The following MFSD2B variants were observed in gnomAD, a reference collection of about 807,000 sequenced individuals.
MFSD2B encodes sphingosine-1-phosphate transporter MFSD2B.
Under a neutral mutation model 58.4 loss-of-function variants are expected in MFSD2B, and 56 were observed. That is an observed-to-expected ratio of 0.96 (90% CI 0.77 to 1.20). The LOEUF (loss-of-function observed/expected upper bound fraction) is 1.20, where lower values mean the gene tolerates loss of function less well. Ranked by LOEUF, MFSD2B falls within the 50% of genes most tolerant of loss-of-function variation. The pLI, the probability that MFSD2B is intolerant of heterozygous loss-of-function variation, is 0.00. For synonymous variants in MFSD2B, 287 were observed against 294.4 expected (o/e 0.97, Z 0.26); for missense variants, 645 against 667.6 (o/e 0.97, Z 0.37).
At position 24,012,172 on chromosome 2, in the gene MFSD2B, ACACACAC is replaced by A. The variant is rs779151026; in HGVS notation, c.97-1112_97-1106del. Among the ~76,000 whole-genome samples, 217 of 44,418 alleles carry A rather than the reference ACACACAC, an allele frequency of 4.9e-3. 2 individuals carry two copies. Among genetic ancestry groups the A allele is most frequent in the Admixed American group, 8.6e-3 (25 of 2,902 alleles). 29.1% of individuals were successfully genotyped at this position (44,418 alleles called of 152,430 possible). On this transcript the variant is annotated intron_variant, in intron 1 of 13. Coordinates refer to ENST00000338315, the MANE Select transcript of MFSD2B (RefSeq NM_001346880.2). The surrounding 1 kb of genome is among the most constrained non-coding windows in gnomAD (Gnocchi z 4.5). ...ACAAAACACACACACACACACACAC[ACACACAC>A]AAAAACAGACAAAAAAACCCTGCAA...
chr2:24,013,030 G>A, intron 1 of MFSD2B: 1 of 344,006 alleles, frequency 2.9e-6, no homozygotes, highest in African/African-American at 2.0e-5. Context: ...AATGATGGCG[G>A]CTTCAGCAGG....
Position 24,022,872 on chromosome 2 carries a change from T to C in MFSD2B, c.1029T>C (p.Phe343=), listed in dbSNP as rs1281389885. The C allele has an allele frequency of 1.9e-6, 3 of 1,611,310 alleles. No individual in the cohort carries two copies. Among genetic ancestry groups the C allele is most frequent in the South Asian group, 2.2e-5 (2 of 90,520 alleles). The change falls in exon 10 of 14, where the codon TTT becomes TTC. Residue 343 remains phenylalanine (F), a synonymous_variant. Transcript: ENST00000338315. The surrounding 1 kb of genome is among the most constrained non-coding windows in gnomAD (Gnocchi z 4.5). The part of the protein sequence containing the change: ...TPLWEWVLQR[F]GKKTSAFGIF... ...TGTGGGAGTGGGTTCTCCAGCGCTT[T>C]GGGAAGAAGACGTCAGCCTTTGGGA...
chr2:24,022,069 C>T lies in MFSD2B; in HGVS notation c.894+99C>T. On this transcript the variant is annotated intron_variant, in intron 8 of 13. Transcript: ENST00000338315. The surrounding 1 kb of genome is among the most constrained non-coding windows in gnomAD (Gnocchi z 4.5). ...TTGGCTTGAGTTTTATAGGGAGAAA[C>T]CTGCGGCTGGCACATGGCTCAGAGG... 1.4e-6 allele frequency: 2 copies of T among 1,416,490 alleles called. No homozygotes were observed. The highest frequency in any genetic ancestry group is 2.0e-4 in the Middle Eastern group (1 of 4,984). 87.7% of individuals were successfully genotyped at this position (1,416,490 alleles called of 1,614,324 possible). A position where few individuals can be genotyped will look rare whatever the true frequency, so the allele number is the denominator to read the frequency against.
Position 24,022,829 on chromosome 2 carries a change from C to A in MFSD2B, c.986C>A (p.Ala329Asp). ...QGLVLTVLVSAVLSTPLWEWV... is the reference protein window; with the variant it reads ...QGLVLTVLVSDVLSTPLWEWV... ...GATGCTGTCTGCTCACAGGTCTCAGCCGTGCTGAGCACCCCGCTGTGGGAG... is the reference window on the plus strand; with the variant it reads ...GATGCTGTCTGCTCACAGGTCTCAGACGTGCTGAGCACCCCGCTGTGGGAG... Residue 329 changes from alanine (A) to aspartate (D), a missense_variant, in exon 10 of 14, where the codon GCC becomes GAC. Coordinates refer to ENST00000338315, the MANE Select transcript of MFSD2B (RefSeq NM_001346880.2). This position sits in a 1 kb window ranked among gnomAD's most constrained non-coding sequence, Gnocchi z 4.5. 6.3e-7 allele frequency: 1 copy of A among 1,596,748 alleles called. No individual in the cohort carries two copies. Among genetic ancestry groups the A allele is most frequent in the Non-Finnish European group, 8.5e-7 (1 of 1,172,484 alleles).
At chr2:24,013,888 G>A (rs1009454670) in intron 2 of MFSD2B, among the ~76,000 whole-genome samples, 37 of 142,066 alleles carry the variant, frequency 2.6e-4, no homozygotes, top group African/African-American at 9.8e-4. Flanking sequence ...TGCCCAGGCT[G>A]GAGTGCAGTG....
Position 24,024,041 on chromosome 2 carries a change from C to A in MFSD2B, c.1314-54C>A. On this transcript the variant is annotated intron_variant, in intron 12 of 13. Transcript: ENST00000338315. This position sits in a 1 kb window ranked among gnomAD's most constrained non-coding sequence, Gnocchi z 4.3. Reference sequence around the variant, plus strand: ...GGGTGAGGTGTCGAGTCCCTCCACCCAGGGTGCCAGGCTCAGCAGGCCCTG... The same window carrying A: ...GGGTGAGGTGTCGAGTCCCTCCACCAAGGGTGCCAGGCTCAGCAGGCCCTG... 6.3e-7 allele frequency: 1 copy of A among 1,581,730 alleles called. No homozygotes were observed. Among genetic ancestry groups the A allele is most frequent in the South Asian group, 1.1e-5 (1 of 88,924 alleles).
intron 1 of MFSD2B, among the ~76,000 whole-genome samples, chr2:24,011,075 C>T (rs1009566652): frequency 1.3e-5 from 2 of 152,188 alleles, no homozygotes; most frequent in Admixed American, 6.5e-5. Flanking sequence ...GGGTGGCAGC[C>T]CCGGTCACTC....
At chr2:24,010,316 G>A (rs1468234549) in intron 1 of MFSD2B, 124 bp downstream of exon 1, 2 of 734,870 alleles carry the variant, frequency 2.7e-6, no homozygotes, top group Non-Finnish European at 3.9e-6. Flanking sequence ...GCCAGCTCAG[G>A]GGCTGCCCTC....
chr2:24,014,557 A>G lies in MFSD2B; in HGVS notation c.222+1147A>G, dbSNP rs115424252. 8.1e-4 allele frequency among the ~76,000 whole-genome samples: 123 copies of G among 152,354 alleles called. 1 individual carries two copies. Among genetic ancestry groups the G allele is most frequent in the Admixed American group, 1.4e-3 (21 of 15,308 alleles). On this transcript the variant is annotated intron_variant, in intron 2 of 13. Transcript: ENST00000338315. ...GCAGCCATTCAAAATAATGATCTAT[A>G]CCAGTTGACTTAGAGTGATTTCCAT...
intron 1 of MFSD2B, chr2:24,013,069 T>G: frequency 2.5e-6 from 1 of 401,722 alleles, no homozygotes; most frequent in Non-Finnish European, 4.4e-6. Context: ...CCAGAAGAAC[T>G]TCCCCCCTGG....
Position 24,022,865 on chromosome 2 carries a change from A to G in MFSD2B, c.1022A>G (p.Gln341Arg). The G allele has an allele frequency of 6.2e-7, 1 of 1,611,138 alleles. No individual in the cohort carries two copies. Among genetic ancestry groups the G allele is most frequent in the East Asian group, 2.2e-5 (1 of 44,848 alleles). ...ACCCCGCTGTGGGAGTGGGTTCTCC[A>G]GCGCTTTGGGAAGAAGACGTCAGCC... ...LSTPLWEWVLQRFGKKTSAFG... is the reference protein window; with the variant it reads ...LSTPLWEWVLRRFGKKTSAFG... Residue 341 changes from glutamine (Q) to arginine (R), a missense_variant, in exon 10 of 14, where the codon CAG becomes CGG. Transcript: ENST00000338315. This position sits in a 1 kb window ranked among gnomAD's most constrained non-coding sequence, Gnocchi z 4.5.
chr2:24,017,202 G>C lies in MFSD2B; in HGVS notation c.472-84G>C. The C allele has an allele frequency of 7.1e-7, 1 of 1,406,134 alleles. No individual in the cohort carries two copies. Among genetic ancestry groups the C allele is most frequent in the Non-Finnish European group, 9.7e-7 (1 of 1,026,854 alleles). The allele number at this position is 1,406,134 out of a possible 1,614,324, so 87.1% of individuals were successfully genotyped here. ...TATGTCACGTTGGCCTGTGGGTGTCGGGATGTGACACCCAGGATGGGGGAG... is the reference window on the plus strand; with the variant it reads ...TATGTCACGTTGGCCTGTGGGTGTCCGGATGTGACACCCAGGATGGGGGAG... On this transcript the variant is annotated intron_variant, in intron 4 of 13. Coordinates refer to ENST00000338315, the MANE Select transcript of MFSD2B (RefSeq NM_001346880.2). This position sits in a 1 kb window ranked among gnomAD's most constrained non-coding sequence, Gnocchi z 4.8.
At chr2:24,018,698 TA>T (rs921819309) in intron 6 of MFSD2B, 7 of 172,388 alleles carry the variant, frequency 4.1e-5, no homozygotes, top group East Asian at 9.8e-5. Context: ...TTACTTGAAT[TA>T]AAAAAAATCC....
At chr2:24,013,909 G>A (rs1709046275) in intron 2 of MFSD2B, among the ~76,000 whole-genome samples, 1 of 144,596 alleles carries the variant, frequency 6.9e-6, no homozygotes. Flanking sequence ...GTGTGATCTT[G>A]GGGCTCACTG....
rs1396327592 is a variant in MFSD2B at position 24,021,997 on chromosome 2, G to A, written c.894+27G>A. The A allele has an allele frequency of 1.2e-6, 2 of 1,613,684 alleles. No homozygotes were observed. The highest frequency in any genetic ancestry group is 1.7e-6 in the Non-Finnish European group (2 of 1,179,788). ...TACCTCTGGCCAGCTGCCCCCGACA[G>A]GCTTGGTGCTGGCCATGCTGACCTT... On this transcript the variant is annotated intron_variant, in intron 8 of 13. Coordinates refer to ENST00000338315, the MANE Select transcript of MFSD2B (RefSeq NM_001346880.2). The surrounding 1 kb of genome is among the most constrained non-coding windows in gnomAD (Gnocchi z 5.7).
At position 24,013,324 on chromosome 2, in the gene MFSD2B, T is replaced by G. The variant is rs568333328; in HGVS notation, c.136T>G (p.Cys46Gly). Residue 46 changes from cysteine to glycine, a missense_variant, in exon 2 of 14, where the codon TGC becomes GGC. Coordinates refer to ENST00000338315, the MANE Select transcript of MFSD2B (RefSeq NM_001346880.2). ...TCGCCTCTCATTCTGTACAAAGGTG[T>G]GCTATGGCATTGGTGGGGTCCCCAA... is the stretch of plus-strand genomic sequence containing the variant. ...AGRLSFCTKV[C>G]YGIGGVPNQI... 9 of 1,612,454 alleles carry G rather than the reference T, an allele frequency of 5.6e-6. No individual in the cohort carries two copies. Among genetic ancestry groups the G allele is most frequent in the Non-Finnish European group, 7.6e-6 (9 of 1,179,456 alleles).
At chr2:24,019,147 G>T (rs951532645) in intron 6 of MFSD2B, among the ~76,000 whole-genome samples, 2 of 152,062 alleles carry the variant, frequency 1.3e-5, no homozygotes, top group Non-Finnish European at 2.9e-5. Context: ...CACCGCGCTC[G>T]ACCTGTGCTT....
intron 1 of MFSD2B, among the ~76,000 whole-genome samples, chr2:24,011,021 T>C (rs552643339): frequency 1.3e-5 from 2 of 152,306 alleles, no homozygotes; most frequent in South Asian, 4.1e-4. Flanking sequence ...ACACTCGCAT[T>C]GCTGATGAAG....
chr2:24,019,597 C>T (rs1168069844), intron 6 of MFSD2B, among the ~76,000 whole-genome samples: 2 of 152,128 alleles, frequency 1.3e-5, no homozygotes, highest in Non-Finnish European at 2.9e-5. Flanking sequence ...GTGGCAGGCA[C>T]CTGTAATCCC....
Sources: allele counts gnomAD v4.1 joint callset (sites outside exome capture counted in the v4.1 genomes callset), GRCh38; gene constraint gnomAD v4.1.1; non-coding constraint Gnocchi (gnomAD v3.1); transcripts MANE v1.5; gene names NCBI Gene and HGNC (gene_info 2026-07-23, HGNC 2026-07-21).